Variants in CTNND2 observed in about 807,000 individuals in gnomAD.
CTNND2 encodes the protein catenin delta 2, also known as catenin delta-2.
CTNND2 carries 22 observed loss-of-function variants against 144.4 expected under a neutral mutation model. The observed-to-expected ratio is 0.15, with a 90% CI of 0.11 to 0.22. The LOEUF is 0.22. Among genes scored for constraint, CTNND2 ranks in the 10% least tolerant of loss-of-function variants. The probability of loss-of-function intolerance (pLI) is 1.00; values close to 1 mark genes in which losing one functional copy is unlikely to be tolerated. For synonymous variants in CTNND2, 751 were observed against 695.6 expected, an observed-to-expected ratio of 1.08 and a Z score of -1.25; for missense variants, 1,353 against 1,618.8, an observed-to-expected ratio of 0.84 and a Z score of 2.82.
intron 1 of CTNND2, among the ~76,000 whole-genome samples, chr5:11,849,986 A>G (rs1457205151): frequency 6.6e-6 from 1 of 152,144 alleles, no homozygotes; most frequent in Non-Finnish European, 1.5e-5. Flanking sequence ...CCAGCACTCC[A>G]CTGATGGGTG....
chr5:10,991,423 G>A (rs1738668657), intron 19 of CTNND2, among the ~76,000 whole-genome samples: 1 of 152,134 alleles, frequency 6.6e-6, no homozygotes, highest in Admixed American at 6.5e-5. Context: ...ATCTGTGTGG[G>A]TGCATATAAC....
At chr5:11,516,312 A>C (rs928200061) in intron 3 of CTNND2, among the ~76,000 whole-genome samples, 3 of 152,070 alleles carry the variant, frequency 2.0e-5, no homozygotes, top group Non-Finnish European at 2.9e-5. Flanking sequence ...ATGGTAAAGG[A>C]AGTCCTGGAC....
chr5:11,247,723 G>T (rs971263814), intron 9 of CTNND2, among the ~76,000 whole-genome samples: 2 of 152,108 alleles, frequency 1.3e-5, no homozygotes, highest in Non-Finnish European at 2.9e-5. Context: ...TTAATTACAT[G>T]TAGCTTAAAT....
chr5:11,517,641 A>G (rs947433428), intron 3 of CTNND2, among the ~76,000 whole-genome samples: 7 of 151,942 alleles, frequency 4.6e-5, no homozygotes, highest in Non-Finnish European at 1.0e-4. Flanking sequence ...GGGCAAGGGG[A>G]GGGAGAGCAT....
At position 11,348,093 on chromosome 5, in the gene CTNND2, G is replaced by C. The variant is rs10474675; in HGVS notation, c.1373-1466C>G. On this transcript the variant is annotated intron_variant, in intron 8 of 21. Transcript: ENST00000304623. ...TTAAGAGAAACTTTATAAACAAAAAGTGCATATATTCCCAGAGGGACAATA... is the reference window on the plus strand; with the variant it reads ...TTAAGAGAAACTTTATAAACAAAAACTGCATATATTCCCAGAGGGACAATA... Among the ~76,000 whole-genome samples the C allele has an allele frequency of 4.4e-3, 663 of 152,248 alleles. 4 individuals carry two copies. The highest frequency in any genetic ancestry group is 0.015 in the African/African-American group (640 of 41,516).
At chr5:11,498,437 C>T (rs1770202055) in intron 3 of CTNND2, among the ~76,000 whole-genome samples, 1 of 152,104 alleles carries the variant, frequency 6.6e-6, no homozygotes, top group African/African-American at 2.4e-5. Context: ...GAATGAAAAC[C>T]AGGCTGCTAA....
chr5:11,800,433 A>G (rs1489941207), intron 1 of CTNND2, among the ~76,000 whole-genome samples: 1 of 152,196 alleles, frequency 6.6e-6, no homozygotes, highest in Non-Finnish European at 1.5e-5. Context: ...TCATGAAATT[A>G]CATAGTACAT....
At chr5:11,759,772 A>T (rs566285574) in intron 1 of CTNND2, among the ~76,000 whole-genome samples, 1 of 152,176 alleles carries the variant, frequency 6.6e-6, no homozygotes, top group East Asian at 1.9e-4. Flanking sequence ...TCCAGTACTG[A>T]CTCAACTAAT....
intron 3 of CTNND2, among the ~76,000 whole-genome samples, chr5:11,537,622 T>G (rs1201207330): frequency 6.6e-6 from 1 of 152,164 alleles, no homozygotes; most frequent in African/African-American, 2.4e-5. Flanking sequence ...GAAAAGGAAT[T>G]CAATGATAAA....
In CTNND2 at chr5:11,559,374, G is replaced by T. The variant is rs149562670; in HGVS notation, c.287+5570C>A. 3.7e-3 allele frequency among the ~76,000 whole-genome samples: 558 copies of T among 152,256 alleles called. 4 individuals carry two copies. The highest frequency in any genetic ancestry group is 0.01 in the Middle Eastern group (3 of 292). On this transcript the variant is annotated intron_variant, in intron 3 of 21. Coordinates refer to ENST00000304623, the MANE Select transcript of CTNND2 (RefSeq NM_001332.4). ...TTGAGGCTTCATGTTAACTAAGGCT[G>T]AGACAATAAATGTTTCCACTGCTCT...
chr5:10,998,380 A>G (rs1739571512), intron 18 of CTNND2, among the ~76,000 whole-genome samples: 1 of 152,164 alleles, frequency 6.6e-6, no homozygotes, highest in Non-Finnish European at 1.5e-5. Flanking sequence ...TAAACACCCA[A>G]TAAATATCTT....
At chr5:11,641,465 C>A (rs1448906489) in intron 2 of CTNND2, among the ~76,000 whole-genome samples, 1 of 121,902 alleles carries the variant, frequency 8.2e-6, no homozygotes, top group Non-Finnish European at 1.8e-5. Context: ...ATATATATAT[C>A]CTTTTATGTA....
chr5:11,709,510 G>C (rs1380363890), intron 2 of CTNND2, among the ~76,000 whole-genome samples: 1 of 152,164 alleles, frequency 6.6e-6, no homozygotes, highest in Non-Finnish European at 1.5e-5. Context: ...TCAGATAAAA[G>C]AAGATGATGA....
intron 1 of CTNND2, among the ~76,000 whole-genome samples, chr5:11,854,453 T>C (rs762118546): frequency 5.3e-4 from 81 of 152,156 alleles, no homozygotes; most frequent in Non-Finnish European, 8.5e-4. Context: ...ACACAGTAAA[T>C]GTGGAAGCTT....
chr5:11,160,199 C>T (rs1247475224), intron 11 of CTNND2, among the ~76,000 whole-genome samples: 3 of 152,238 alleles, frequency 2.0e-5, no homozygotes, highest in Admixed American at 6.5e-5. Flanking sequence ...TAAGTGCTTT[C>T]ATAAACAACC....
chr5:11,442,301 A>G (rs963960896), intron 3 of CTNND2, among the ~76,000 whole-genome samples: 1 of 152,202 alleles, frequency 6.6e-6, no homozygotes, highest in Non-Finnish European at 1.5e-5. Context: ...ATAGATACAG[A>G]TATAGATATA....
chr5:11,631,873 A>G (rs1244900535), intron 2 of CTNND2, among the ~76,000 whole-genome samples: 3 of 152,140 alleles, frequency 2.0e-5, no homozygotes, highest in African/African-American at 2.4e-5. Context: ...AAGAGTGCCA[A>G]TCCAAAAGAC....
At chr5:11,107,598 C>A (rs1752548995) in intron 14 of CTNND2, among the ~76,000 whole-genome samples, 1 of 152,204 alleles carries the variant, frequency 6.6e-6, no homozygotes, top group Non-Finnish European at 1.5e-5. Flanking sequence ...CCTGCTTCTC[C>A]AGGGATACTT....
intron 20 of CTNND2, among the ~76,000 whole-genome samples, chr5:10,985,031 G>T (rs537341804): frequency 1.3e-5 from 2 of 151,982 alleles, no homozygotes; most frequent in African/African-American, 4.8e-5. Flanking sequence ...CTGAGATTGC[G>T]CCACTGCACT....
Sources: allele counts gnomAD v4.1 joint callset (sites outside exome capture counted in the v4.1 genomes callset), GRCh38; gene constraint gnomAD v4.1.1; transcripts MANE v1.5; gene names NCBI Gene and HGNC (gene_info 2026-07-23, HGNC 2026-07-21).